The following PDE4D variants were observed in gnomAD, a reference collection of about 807,000 sequenced individuals.
The protein encoded by PDE4D is 3',5'-cyclic-AMP phosphodiesterase 4D.
Under a neutral mutation model 87.4 loss-of-function variants are expected in PDE4D, and 24 were observed. That is an observed-to-expected ratio of 0.27 (90% confidence interval 0.20 to 0.39). PDE4D has a LOEUF of 0.39. Ranked by LOEUF, PDE4D falls within the 10% of genes least tolerant of loss-of-function variation. PDE4D has a pLI of 1.00. For synonymous variants in PDE4D, 384 were observed against 383.2 expected (o/e 1.00, Z -0.02); for missense variants, 714 against 1,041.0 (o/e 0.69, Z 4.32).
intron 1 of PDE4D, among the ~76,000 whole-genome samples, chr5:60,248,747 G>T (rs551221152): frequency 1.3e-5 from 2 of 151,834 alleles, no homozygotes; most frequent in African/African-American, 4.8e-5. Context: ...GTTGGTATTG[G>T]TGTCAAAATC....
intron 1 of PDE4D, among the ~76,000 whole-genome samples, chr5:59,605,179 C>T (rs1443929430): frequency 1.3e-5 from 2 of 151,996 alleles, no homozygotes; most frequent in African/African-American, 4.8e-5. Flanking sequence ...TGTATAAAGA[C>T]AATTATATAG....
At chr5:60,074,545 C>T (rs887016297) in intron 2 of PDE4D, among the ~76,000 whole-genome samples, 11 of 152,134 alleles carry the variant, frequency 7.2e-5, no homozygotes, top group Non-Finnish European at 7.3e-5. Flanking sequence ...GTGTTGAGTT[C>T]AAGTCCTGAA....
At chr5:59,574,104 T>A (rs370694156) in intron 1 of PDE4D, among the ~76,000 whole-genome samples, 18 of 5,172 alleles carry the variant, frequency 3.5e-3, no homozygotes, top group Non-Finnish European at 5.0e-3. Flanking sequence ...AAATATATAT[T>A]TATATATATA....
At chr5:59,506,137 T>C (rs1468145459) in intron 1 of PDE4D, among the ~76,000 whole-genome samples, 1 of 152,198 alleles carries the variant, frequency 6.6e-6, no homozygotes, top group African/African-American at 2.4e-5. Flanking sequence ...TTTGTCTAGT[T>C]GTTAATAATT....
At chr5:59,084,174 A>G (rs1767273651) in intron 5 of PDE4D, among the ~76,000 whole-genome samples, 1 of 152,090 alleles carries the variant, frequency 6.6e-6, no homozygotes. Flanking sequence ...TGTAAAGATT[A>G]AAAAAGGAAC....
intron 5 of PDE4D, among the ~76,000 whole-genome samples, chr5:59,136,643 A>G (rs1777123005): frequency 6.6e-6 from 1 of 152,202 alleles, no homozygotes; most frequent in South Asian, 2.1e-4. Context: ...GGTGCAGAAT[A>G]GTATTTGTAA....
chr5:59,693,659 G>A (rs57438370), intron 1 of PDE4D, among the ~76,000 whole-genome samples: 1,633 of 152,212 alleles, frequency 0.011, 24 homozygotes, highest in African/African-American at 0.038. Flanking sequence ...ACCTGGGAGA[G>A]GATCCAAGGA....
At chr5:59,142,301 C>T (rs780914989) in intron 5 of PDE4D, among the ~76,000 whole-genome samples, 21 of 152,176 alleles carry the variant, frequency 1.4e-4, no homozygotes, top group Non-Finnish European at 2.8e-4. Flanking sequence ...CCTTTCCTCC[C>T]TATAGAGTCT....
At chr5:60,418,062 T>C (rs1260308680) in intron 1 of PDE4D, among the ~76,000 whole-genome samples, 2 of 152,172 alleles carry the variant, frequency 1.3e-5, no homozygotes, top group African/African-American at 4.8e-5. Context: ...GAAGATTCCA[T>C]CAGAGTCACT....
At chr5:59,787,787 C>T (rs920212015) in intron 1 of PDE4D, among the ~76,000 whole-genome samples, 7 of 152,090 alleles carry the variant, frequency 4.6e-5, no homozygotes, top group African/African-American at 1.7e-4. Flanking sequence ...ATTTGTATGT[C>T]TTTTATATAG....
intron 2 of PDE4D, among the ~76,000 whole-genome samples, chr5:60,030,372 C>G (rs1259677689): frequency 6.6e-6 from 1 of 152,162 alleles, no homozygotes; most frequent in African/African-American, 2.4e-5. Context: ...ATGGCGTGAA[C>G]CCGGGAAGCG....
chr5:60,403,151 T>G (rs1223011938), intron 1 of PDE4D, among the ~76,000 whole-genome samples: 1 of 152,212 alleles, frequency 6.6e-6, no homozygotes, highest in African/African-American at 2.4e-5. Context: ...GTGTTTCCAC[T>G]CCACAGTGCT....
At chr5:59,920,557 T>G (rs1334549399) in intron 3 of PDE4D, among the ~76,000 whole-genome samples, 1 of 152,130 alleles carries the variant, frequency 6.6e-6, no homozygotes, top group Non-Finnish European at 1.5e-5. Flanking sequence ...ACAGAGTTAG[T>G]TGGAAGATAG....
At chr5:59,968,554 C>A (rs1760332207) in intron 3 of PDE4D, among the ~76,000 whole-genome samples, 3 of 151,952 alleles carry the variant, frequency 2.0e-5, no homozygotes, top group South Asian at 2.1e-4. Context: ...TGTACAAATA[C>A]CCATATATCT....
At chr5:59,581,738 T>C (rs1317341743) in intron 1 of PDE4D, among the ~76,000 whole-genome samples, 1 of 152,170 alleles carries the variant, frequency 6.6e-6, no homozygotes, top group African/African-American at 2.4e-5. Context: ...CACTAAAACA[T>C]AAACATTTGT....
intron 6 of PDE4D, among the ~76,000 whole-genome samples, chr5:59,006,217 A>G (rs1175958827): frequency 1.3e-5 from 2 of 152,218 alleles, no homozygotes; most frequent in Admixed American, 1.3e-4. Context: ...ACTGCTCTCA[A>G]ATGCCCAAAT....
At chr5:60,406,045 T>C (rs150583649) in intron 1 of PDE4D, among the ~76,000 whole-genome samples, 1 of 152,212 alleles carries the variant, frequency 6.6e-6, no homozygotes, top group African/African-American at 2.4e-5. Flanking sequence ...TAAATCATAG[T>C]TTCAGACTTA....
intron 1 of PDE4D, among the ~76,000 whole-genome samples, chr5:60,254,336 A>G (rs1748814183): frequency 6.6e-6 from 1 of 151,968 alleles, no homozygotes; most frequent in South Asian, 2.1e-4. Flanking sequence ...TGGCCCCTAA[A>G]GAACACAATT....
chr5:60,088,994 AAAAC>A (rs538370055), intron 2 of PDE4D, among the ~76,000 whole-genome samples: 30 of 152,136 alleles, frequency 2.0e-4, no homozygotes, highest in Admixed American at 3.9e-4. Flanking sequence ...AAGCAAATGG[AAAAC>A]AAACAAACAA....
Sources: gnomAD v4.1 joint callset for allele counts (sites outside exome capture counted in the v4.1 genomes callset) on GRCh38, gnomAD v4.1.1 for gene constraint, MANE v1.5 for transcripts, NCBI Gene and HGNC (gene_info 2026-07-23, HGNC 2026-07-21) for gene names.